ENTR1: variants seen among roughly 807,000 people sequenced by gnomAD.
The protein encoded by ENTR1 is endosome associated trafficking regulator 1.
A neutral mutation model predicts 47.9 loss-of-function variants in ENTR1; 47 were observed. That is an observed-to-expected ratio of 0.98 (90% CI 0.78 to 1.25). ENTR1 has a LOEUF of 1.25. Ranked by LOEUF, ENTR1 falls within the 50% of genes most tolerant of loss-of-function variation. The pLI, the probability that ENTR1 is intolerant of heterozygous loss-of-function variation, is 0.00. For synonymous variants in ENTR1, 290 were observed against 245.8 expected (o/e 1.18, Z -1.68); for missense variants, 668 against 570.5 (o/e 1.17, Z -1.74).
chr9:136,405,662 A>C (rs1206353142), intron 6 of ENTR1, among the ~76,000 whole-genome samples: 1 of 152,194 alleles, frequency 6.6e-6, no homozygotes, highest in South Asian at 2.1e-4. Flanking sequence ...GGATTGCTGG[A>C]GCCAAGGAGG....
rs1564411292 is a variant in ENTR1 at position 136,407,888 on chromosome 9, ACT to A, written c.338_339del (p.Glu113ValfsTer31). ...LEEANPFSFR[E>X]FLKTKNLGLS... ...AGGCCGAGGTTCTTGGTCTTCAGAAACTCTCTAAAAGAGAATGGATTTGCCTC... is the reference window on the plus strand; with the variant it reads ...AGGCCGAGGTTCTTGGTCTTCAGAAACTCTAAAAGAGAATGGATTTGCCTC... On this transcript the variant is annotated frameshift_variant, in exon 4 of 10. Coordinates refer to ENST00000357365, the MANE Select transcript of ENTR1 (RefSeq NM_001039707.2). LOFTEE classifies it high-confidence loss of function. 2 of 1,613,364 alleles carry A rather than the reference ACT, an allele frequency of 1.2e-6. No individual in the cohort carries two copies. Among genetic ancestry groups the A allele is most frequent in the Non-Finnish European group, 1.7e-6 (2 of 1,179,442 alleles).
In ENTR1 at chr9:136,402,898, G is replaced by A. The variant is rs752238796; in HGVS notation, c.1209-11C>T. ...CCGGAAACCAGTTGCCTGAAAACAA[G>A]CATGGATATCAGGATGGGTGGCAGC... On this transcript the variant is annotated splice_polypyrimidine_tract_variant and intron_variant, in intron 9 of 9. Coordinates refer to ENST00000357365, the MANE Select transcript of ENTR1 (RefSeq NM_001039707.2). The A allele has an allele frequency of 1.0e-5, 16 of 1,598,030 alleles. No homozygotes were observed. The African/African-American group carries it at 1.9e-4, about 19-fold the overall frequency.
chr9:136,404,556 C>A, intron 8 of ENTR1, 75 bp downstream of exon 8: 1 of 1,490,954 alleles, frequency 6.7e-7, no homozygotes, highest in Non-Finnish European at 9.3e-7. Flanking sequence ...CAGAGTCTTT[C>A]GCCTCTTTCT....
Position 136,407,133 on chromosome 9 carries a change from A to T in ENTR1, c.819+12T>A. On this transcript the variant is annotated intron_variant, in intron 5 of 9. Coordinates refer to ENST00000357365, the MANE Select transcript of ENTR1 (RefSeq NM_001039707.2). ...AGGCGCTGTGCCAGAGGGCGCCGTG[A>T]GGCTCACTTACTGCGTCGTAACTTA... is the stretch of plus-strand genomic sequence containing the variant. 1 of 1,577,528 alleles carries T rather than the reference A, an allele frequency of 6.3e-7. No homozygotes were observed. Among genetic ancestry groups the T allele is most frequent in the East Asian group, 2.3e-5 (1 of 44,262 alleles).
At position 136,404,758 on chromosome 9, in the gene ENTR1, G is replaced by A. The variant is rs148368676; in HGVS notation, c.1006-65C>T. The A allele has an allele frequency of 3.4e-4, 539 of 1,564,766 alleles. No individual in the cohort carries two copies. The African/African-American group carries it at 4.7e-3, about 14-fold the overall frequency. On this transcript the variant is annotated intron_variant, in intron 7 of 9. Transcript: ENST00000357365. Reference sequence around the variant, plus strand: ...ATGTCCTCACATTCATACCGGACACGGGCCCCAACCCAGGGAGCAGGAGGG... The same window carrying A: ...ATGTCCTCACATTCATACCGGACACAGGCCCCAACCCAGGGAGCAGGAGGG...
intron 5 of ENTR1, chr9:136,406,843 C>T (rs1175278464): frequency 1.1e-5 from 3 of 283,446 alleles, no homozygotes; most frequent in African/African-American, 4.3e-5. Flanking sequence ...AAAAATTTTC[C>T]TCCTCTTGGA....
At position 136,409,753 on chromosome 9, in the gene ENTR1, G is replaced by A. The variant is rs1355566426; in HGVS notation, c.220+337C>T. 4.4e-5 allele frequency: 18 copies of A among 412,354 alleles called. No homozygotes were observed. In the Admixed American group the frequency reaches 4.6e-4, roughly 11 times the overall value. The allele number at this position is 412,354 out of a possible 1,614,324, so 25.5% of individuals were successfully genotyped here. A position where few individuals can be genotyped will look rare whatever the true frequency, so the allele number is the denominator to read the frequency against. ...GACGAACCAGATCTGGCCACTGCCC[G>A]GCTGTGGAGGCAGATGGAATGCTCC... On this transcript the variant is annotated intron_variant, in intron 2 of 9. Transcript: ENST00000357365.
chr9:136,404,948 G>T, intron 7 of ENTR1, 143 bp downstream of exon 7: 1 of 717,024 alleles, frequency 1.4e-6, no homozygotes, highest in African/African-American at 1.8e-5. Context: ...CAGCGAGACA[G>T]CGACGTCAAA....
chr9:136,406,191 C>CG (rs1346656309), intron 5 of ENTR1, among the ~76,000 whole-genome samples: 1 of 152,092 alleles, frequency 6.6e-6, no homozygotes, highest in Non-Finnish European at 1.5e-5. Flanking sequence ...ACTCAGAGGC[C>CG]GGGGGCAGTG....
chr9:136,407,798 G>T, intron 4 of ENTR1, 28 bp downstream of exon 4: 1 of 1,519,938 alleles, frequency 6.6e-7, no homozygotes, highest in Non-Finnish European at 9.1e-7. Context: ...GTCCCACAGA[G>T]CCATCGCCCA....
At chr9:136,402,923 C>CA in intron 9 of ENTR1, 36 bp from the exon 10 acceptor site, 1 of 1,506,580 alleles carries the variant, frequency 6.6e-7, no homozygotes, top group Non-Finnish European at 9.1e-7. Context: ...TGGGTGGCAG[C>CA]AGCTACTCAG....
chr9:136,408,051 G>A (rs1045159451), intron 3 of ENTR1, 113 bp from the exon 4 acceptor site: 9 of 682,518 alleles, frequency 1.3e-5, no homozygotes, highest in Admixed American at 1.1e-4. Context: ...GGGCAGCCAC[G>A]CTTGTCATTC....
chr9:136,407,818 G>A lies in ENTR1; in HGVS notation c.402+8C>T, dbSNP rs1490633125. 6 of 1,595,810 alleles carry A rather than the reference G, an allele frequency of 3.8e-6. No individual in the cohort carries two copies. The highest frequency in any genetic ancestry group is 1.3e-5 in the African/African-American group (1 of 74,524). On this transcript the variant is annotated splice_region_variant and intron_variant, in intron 4 of 9. Coordinates refer to ENST00000357365, the MANE Select transcript of ENTR1 (RefSeq NM_001039707.2). ...ACAGAGCCATCGCCCACAGTGCCGT[G>A]GATTTACCTTTGCATAAATTCTGCT...
At chr9:136,404,264 A>T in intron 8 of ENTR1, 70 bp from the exon 9 acceptor site, 1 of 1,538,608 alleles carries the variant, frequency 6.5e-7, no homozygotes, top group Non-Finnish European at 8.8e-7. Flanking sequence ...CCACCTGGCG[A>T]GGCGAGGGCT....
At chr9:136,404,751 C>G (rs1168984132) in intron 7 of ENTR1, 58 bp from the exon 8 acceptor site, 3 of 1,576,646 alleles carry the variant, frequency 1.9e-6, no homozygotes, top group African/African-American at 1.3e-5. Context: ...ACATTCATAC[C>G]GGACACGGGC....
rs1484566094 is a variant in ENTR1 at position 136,407,356 on chromosome 9, G to A, written c.608C>T (p.Ala203Val). ...IEQTHPERVP[A>V]GTSPCSTYLS... ...GTATGTGCTGCAGGGCGACGTGCCG[G>A]CAGGGACCCTCTCGGGGTGAGTCTG... The change falls in exon 5 of 10, where the codon GCC becomes GTC. Residue 203 changes from alanine (A) to valine (V), a missense_variant. Physicochemically the swap from Ala to Val is moderately conservative, Grantham distance 64. Transcript: ENST00000357365. The A allele has an allele frequency of 1.2e-6, 2 of 1,607,232 alleles. No individual in the cohort carries two copies. Among genetic ancestry groups the A allele is most frequent in the Admixed American group, 1.7e-5 (1 of 59,150 alleles).
In ENTR1 at chr9:136,409,084, T is replaced by G; in HGVS notation, c.221-17A>C. The G allele has an allele frequency of 1.2e-6, 2 of 1,612,942 alleles. No homozygotes were observed. Among genetic ancestry groups the G allele is most frequent in the Non-Finnish European group, 1.7e-6 (2 of 1,179,122 alleles). ...AGCCAAAATCTGCAAAGAAACAATGTCACCCACCATGCTGGCAGGAAGTCT... is the reference window on the plus strand; with the variant it reads ...AGCCAAAATCTGCAAAGAAACAATGGCACCCACCATGCTGGCAGGAAGTCT... On this transcript the variant is annotated splice_polypyrimidine_tract_variant and intron_variant, in intron 2 of 9. Transcript: ENST00000357365.
chr9:136,410,362 C>T lies in ENTR1; in HGVS notation c.36G>A (p.Pro12=), dbSNP rs777841420. 5 of 1,483,070 alleles carry T rather than the reference C, an allele frequency of 3.4e-6. No homozygotes were observed. Among genetic ancestry groups the T allele is most frequent in the East Asian group, 5.6e-5 (2 of 35,670 alleles). The allele number at this position is 1,483,070 out of a possible 1,614,324, so 91.9% of individuals were successfully genotyped here. Residue 12 remains proline (P), a synonymous_variant, in exon 1 of 10, where the codon CCG becomes CCA. Transcript: ENST00000357365. Reference sequence around the variant, plus strand: ...TGGCGAGGCTCCGGGCTCGGGACAGCGGGGTGGCGCCCGGGCGGCGCTGGT... The same window carrying T: ...TGGCGAGGCTCCGGGCTCGGGACAGTGGGGTGGCGCCCGGGCGGCGCTGGT... ...SGYQRRPGAT[P]LSRARSLAIP...
In ENTR1 at chr9:136,402,558, G is replaced by A. The variant is rs1232261577; in HGVS notation, c.*230C>T. On this transcript the variant is annotated 3_prime_UTR_variant, in exon 10 of 10. Transcript: ENST00000357365. ...AGAGCTCATTAGAATCTATAAGATC[G>A]CAGGAATTTCGCCAAGAAGGGCTGC... 11 of 411,012 alleles carry A rather than the reference G, an allele frequency of 2.7e-5. No individual in the cohort carries two copies. Among genetic ancestry groups the A allele is most frequent in the Middle Eastern group, 6.2e-4 (1 of 1,624 alleles). 25.5% of individuals were successfully genotyped at this position (411,012 alleles called of 1,614,324 possible). A position where few individuals can be genotyped will look rare whatever the true frequency, so the allele number is the denominator to read the frequency against.
Sources: allele counts gnomAD v4.1 joint callset (sites outside exome capture counted in the v4.1 genomes callset), GRCh38; gene constraint gnomAD v4.1.1; transcripts MANE v1.5; gene names NCBI Gene and HGNC (gene_info 2026-07-23, HGNC 2026-07-21).